The following LHFPL3 variants were observed in gnomAD, a reference collection of about 807,000 sequenced individuals.
LHFPL3 encodes the protein LHFPL tetraspan subfamily member 3, also known as LHFPL tetraspan subfamily member 3 protein.
Under a neutral mutation model 19.3 loss-of-function variants are expected in LHFPL3, and 5 were observed. The ratio of observed to expected loss-of-function variants is 0.26; its 90% confidence interval spans 0.14 to 0.54. LHFPL3 has a LOEUF of 0.54. Ranked by LOEUF, LHFPL3 falls within the 20% of genes least tolerant of loss-of-function variation. The pLI, the probability that LHFPL3 is intolerant of heterozygous loss-of-function variation, is 0.94. For synonymous variants in LHFPL3, 133 were observed against 126.2 expected (o/e 1.05, Z -0.36); for missense variants, 249 against 307.4 (o/e 0.81, Z 1.42).
Position 104,549,641 on chromosome 7 carries a change from A to T in LHFPL3, c.446-187034A>T, listed in dbSNP as rs535451932. Among the ~76,000 whole-genome samples, 5 of 152,274 alleles carry T rather than the reference A, an allele frequency of 3.3e-5. No individual in the cohort carries two copies. In the South Asian group the frequency reaches 1.0e-3, roughly 32 times the overall value. On this transcript the variant is annotated intron_variant, in intron 1 of 2. Transcript: ENST00000424859. ...GGAAGACATGAGATAAGAGAACAAA[A>T]ATTATAACAACTTTGAGTAACCTTC... is the stretch of plus-strand genomic sequence containing the variant.
At chr7:104,406,506 C>A (rs993376885) in intron 1 of LHFPL3, among the ~76,000 whole-genome samples, 2 of 152,252 alleles carry the variant, frequency 1.3e-5, no homozygotes, top group Admixed American at 6.5e-5. Flanking sequence ...TATAACTATA[C>A]CCATTTTATT....
intron 1 of LHFPL3, among the ~76,000 whole-genome samples, chr7:104,496,601 TC>T (rs1307774696): frequency 1.3e-5 from 2 of 152,190 alleles, no homozygotes; most frequent in African/African-American, 4.8e-5. Flanking sequence ...GTAAAAGTGT[TC>T]CTATTTCTCC....
intron 1 of LHFPL3, among the ~76,000 whole-genome samples, chr7:104,371,459 T>C (rs1246669866): frequency 6.6e-6 from 1 of 152,142 alleles, no homozygotes; most frequent in Non-Finnish European, 1.5e-5. Context: ...CATGATTCTG[T>C]GGTTTGTTTT....
chr7:104,557,364 C>T (rs1461214751), intron 1 of LHFPL3, among the ~76,000 whole-genome samples: 2 of 152,176 alleles, frequency 1.3e-5, no homozygotes, highest in Non-Finnish European at 2.9e-5. Context: ...GATCAAGTCA[C>T]GTTTTACATG....
chr7:104,731,120 C>A (rs949658621), intron 1 of LHFPL3, among the ~76,000 whole-genome samples: 2 of 152,162 alleles, frequency 1.3e-5, no homozygotes, highest in African/African-American at 2.4e-5. Flanking sequence ...TGTTTGGTAC[C>A]AGTACCATGC....
chr7:104,500,169 G>C (rs565130196), intron 1 of LHFPL3, among the ~76,000 whole-genome samples: 1 of 152,140 alleles, frequency 6.6e-6, no homozygotes, highest in Non-Finnish European at 1.5e-5. Context: ...TAAGCCTTTC[G>C]TTTTAATAGT....
At chr7:104,344,380 C>T (rs1328233256) in intron 1 of LHFPL3, among the ~76,000 whole-genome samples, 1 of 152,044 alleles carries the variant, frequency 6.6e-6, no homozygotes. Context: ...ATACATTGTG[C>T]TCAATATGTA....
intron 1 of LHFPL3, among the ~76,000 whole-genome samples, chr7:104,447,742 C>G (rs886822396): frequency 3.3e-5 from 5 of 152,008 alleles, no homozygotes; most frequent in Non-Finnish European, 7.4e-5. Context: ...TTTAGGTATT[C>G]TCTGTTCTCT....
At chr7:104,753,703 A>C (rs1216392266) in intron 2 of LHFPL3, among the ~76,000 whole-genome samples, 1 of 152,090 alleles carries the variant, frequency 6.6e-6, no homozygotes, top group Non-Finnish European at 1.5e-5. Context: ...TGAATCAATA[A>C]GAAAAAAAAA....
At chr7:104,795,499 A>T (rs1487580175) in intron 2 of LHFPL3, among the ~76,000 whole-genome samples, 1 of 152,174 alleles carries the variant, frequency 6.6e-6, no homozygotes, top group East Asian at 1.9e-4. Context: ...AAAGCTTTGC[A>T]TGACTTGAAA....
chr7:104,509,568 G>A (rs865973819), intron 1 of LHFPL3, among the ~76,000 whole-genome samples: 20 of 151,994 alleles, frequency 1.3e-4, no homozygotes, highest in African/African-American at 4.3e-4. Context: ...AGCAAAAAAT[G>A]TTAGAGTGAA....
chr7:104,818,984 A>G (rs1790623955), intron 2 of LHFPL3, among the ~76,000 whole-genome samples: 1 of 152,142 alleles, frequency 6.6e-6, no homozygotes. Context: ...TGTCTATAAA[A>G]CAAATAGCTA....
chr7:104,639,801 T>C (rs1791796089), intron 1 of LHFPL3, among the ~76,000 whole-genome samples: 1 of 152,230 alleles, frequency 6.6e-6, no homozygotes, highest in Non-Finnish European at 1.5e-5. Flanking sequence ...ATAATTTGAA[T>C]TAACATATAT....
At chr7:104,787,389 A>G (rs1789937641) in intron 2 of LHFPL3, among the ~76,000 whole-genome samples, 1 of 152,154 alleles carries the variant, frequency 6.6e-6, no homozygotes, top group African/African-American at 2.4e-5. Flanking sequence ...AGAACACCAT[A>G]CACTGAGTGG....
intron 1 of LHFPL3, among the ~76,000 whole-genome samples, chr7:104,360,694 CGTGTGTGTGTGTGTGTGTGT>C (rs61216282): frequency 3.7e-4 from 53 of 144,458 alleles, no homozygotes; most frequent in Non-Finnish European, 3.6e-4. Flanking sequence ...AAAGTGCTTC[CGTGTGTGTGTGTGTGTGTGT>C]GTGTGTGTGT....
At chr7:104,555,746 C>A (rs1396887695) in intron 1 of LHFPL3, among the ~76,000 whole-genome samples, 1 of 152,206 alleles carries the variant, frequency 6.6e-6, no homozygotes, top group Non-Finnish European at 1.5e-5. Flanking sequence ...AGTCTTAACT[C>A]ACTCCAGCAT....
In LHFPL3 at chr7:104,557,888, C is replaced by A. The variant is rs933449661; in HGVS notation, c.446-178787C>A. 2.0e-5 allele frequency among the ~76,000 whole-genome samples: 3 copies of A among 149,310 alleles called. No individual in the cohort carries two copies. The Admixed American group carries it at 2.0e-4, about 10-fold the overall frequency. On this transcript the variant is annotated intron_variant, in intron 1 of 2. Coordinates refer to ENST00000424859, the MANE Select transcript of LHFPL3 (RefSeq NM_199000.3). ...ATTCCCCTTCCTGTGTCCATGTGAT[C>A]TCATTGTTCAATTCCCACCTATGAA...
intron 1 of LHFPL3, among the ~76,000 whole-genome samples, chr7:104,423,551 C>T (rs1280750899): frequency 2.6e-5 from 4 of 152,300 alleles, no homozygotes; most frequent in South Asian, 4.1e-4. Flanking sequence ...TTTTTTATCA[C>T]TTGATCACTT....
intron 1 of LHFPL3, among the ~76,000 whole-genome samples, chr7:104,482,937 T>C (rs1793163983): frequency 6.6e-6 from 1 of 152,236 alleles, no homozygotes; most frequent in Non-Finnish European, 1.5e-5. Context: ...ATGTTTATTA[T>C]CTGCCCGTAT....
Sources: allele counts gnomAD v4.1 joint callset (sites outside exome capture counted in the v4.1 genomes callset), GRCh38; gene constraint gnomAD v4.1.1; transcripts MANE v1.5; gene names NCBI Gene and HGNC (gene_info 2026-07-23, HGNC 2026-07-21).